CATSPERB: variants seen among roughly 807,000 people sequenced by gnomAD.
The protein encoded by CATSPERB is catsper channel auxiliary subunit beta.
Under a neutral mutation model 128.3 loss-of-function variants are expected in CATSPERB, and 93 were observed. That is an observed-to-expected ratio of 0.72 (90% CI 0.61 to 0.86). The LOEUF (loss-of-function observed/expected upper bound fraction) is 0.86. CATSPERB is among the 40% of genes least tolerant of loss of function. CATSPERB has a pLI of 0.00. For missense variants in CATSPERB, 1,153 were observed against 1,329.5 expected, an observed-to-expected ratio of 0.87 and a Z score of 2.06; for synonymous variants, 381 against 448.8, an observed-to-expected ratio of 0.85 and a Z score of 1.91.
chr14:91,606,782 G>C (rs1465014235), intron 22 of CATSPERB, among the ~76,000 whole-genome samples: 3 of 152,094 alleles, frequency 2.0e-5, no homozygotes, highest in Admixed American at 6.6e-5. Context: ...GATAACACTG[G>C]AAATGGTGAA....
chr14:91,717,294 T>C (rs1428296553), intron 5 of CATSPERB, among the ~76,000 whole-genome samples: 4 of 152,210 alleles, frequency 2.6e-5, no homozygotes, highest in African/African-American at 9.6e-5. Flanking sequence ...GTGCTCACGG[T>C]TGTATACATT....
At chr14:91,672,319 T>C (rs1400184544) in intron 13 of CATSPERB, among the ~76,000 whole-genome samples, 2 of 152,214 alleles carry the variant, frequency 1.3e-5, no homozygotes, top group Non-Finnish European at 2.9e-5. Flanking sequence ...TGGATTTTGC[T>C]CTGTCACCTC....
chr14:91,594,269 T>C (rs937923479), intron 22 of CATSPERB, among the ~76,000 whole-genome samples: 1 of 151,858 alleles, frequency 6.6e-6, no homozygotes, highest in Non-Finnish European at 1.5e-5. Flanking sequence ...AAGGTGGGAA[T>C]TGAACAATGA....
Position 91,580,841 on chromosome 14 carries a change from T to A in CATSPERB, c.*48A>T. On this transcript the variant is annotated 3_prime_UTR_variant, in exon 27 of 27. Transcript: ENST00000256343. ...ACATTTAAATATATTGTTCTAGGAA[T>A]TGGCTGATAAAACTAGAAAATAAAG... 1 of 1,400,050 alleles carries A rather than the reference T, an allele frequency of 7.1e-7. No homozygotes were observed. Among genetic ancestry groups the A allele is most frequent in the Middle Eastern group, 2.1e-4 (1 of 4,652 alleles). The allele number at this position is 1,400,050 out of a possible 1,614,324, so 86.7% of individuals were successfully genotyped here.
At chr14:91,722,103 TACA>T (rs1896044432) in intron 4 of CATSPERB, among the ~76,000 whole-genome samples, 1 of 152,182 alleles carries the variant, frequency 6.6e-6, no homozygotes, top group Admixed American at 6.5e-5. Flanking sequence ...TGTAAAATAG[TACA>T]ACCACTTTAG....
chr14:91,661,343 A>T (rs1264904399), intron 14 of CATSPERB, among the ~76,000 whole-genome samples: 1 of 152,008 alleles, frequency 6.6e-6, no homozygotes, highest in African/African-American at 2.4e-5. Context: ...TTATGGATAT[A>T]CCATACTTGA....
At chr14:91,628,090 C>T (rs1454221967) in intron 17 of CATSPERB, among the ~76,000 whole-genome samples, 1 of 152,164 alleles carries the variant, frequency 6.6e-6, no homozygotes, top group Non-Finnish European at 1.5e-5. Context: ...CTTGTTTTTC[C>T]TTAATTTCCT....
At chr14:91,676,742 C>A (rs1015109786) in intron 11 of CATSPERB, among the ~76,000 whole-genome samples, 2 of 151,778 alleles carry the variant, frequency 1.3e-5, no homozygotes, top group East Asian at 1.9e-4. Flanking sequence ...GGTATGGAAC[C>A]AAAAAAGAGC....
At chr14:91,650,689 T>TATCCATCC (rs56395311) in intron 15 of CATSPERB, among the ~76,000 whole-genome samples, 97,675 of 150,802 alleles carry the variant, frequency 0.65, 31,978 homozygotes, top group East Asian at 0.75. Context: ...TTTTTGTATT[T>TATCCATCC]ATCCATCCAT....
chr14:91,614,263 A>G (rs1023611617), intron 20 of CATSPERB, among the ~76,000 whole-genome samples: 1 of 149,442 alleles, frequency 6.7e-6, no homozygotes, highest in African/African-American at 2.5e-5. Flanking sequence ...ACCAGAAGTG[A>G]GAGCCAATCC....
At chr14:91,661,855 A>G (rs889684245) in intron 14 of CATSPERB, among the ~76,000 whole-genome samples, 4 of 152,034 alleles carry the variant, frequency 2.6e-5, no homozygotes, top group Non-Finnish European at 5.9e-5. Flanking sequence ...AGACTACCCA[A>G]GTGCTCTTCA....
At chr14:91,719,174 A>T (rs1895989972) in intron 5 of CATSPERB, among the ~76,000 whole-genome samples, 1 of 152,226 alleles carries the variant, frequency 6.6e-6, no homozygotes, top group South Asian at 2.1e-4. Flanking sequence ...AATAAAAGAT[A>T]ATATAAATGT....
rs1895993279 is a variant in CATSPERB at position 91,719,409 on chromosome 14, C to T, written c.370+9G>A. 1.9e-6 allele frequency: 3 copies of T among 1,580,452 alleles called. No homozygotes were observed. The highest frequency in any genetic ancestry group is 1.8e-5 in the Admixed American group (1 of 56,128). On this transcript the variant is annotated intron_variant, in intron 5 of 26. Transcript: ENST00000256343. Reference sequence around the variant, plus strand: ...CAGGGGTAAAAGAATTAATTCAGATCACTCTTACCTGTGCTTTGTGTGATG... The same window carrying T: ...CAGGGGTAAAAGAATTAATTCAGATTACTCTTACCTGTGCTTTGTGTGATG...
intron 10 of CATSPERB, among the ~76,000 whole-genome samples, chr14:91,685,098 T>C (rs1345642416): frequency 6.6e-6 from 1 of 152,078 alleles, no homozygotes; most frequent in Non-Finnish European, 1.5e-5. Context: ...GGGTAATTTT[T>C]TAATTTTTTG....
Position 91,610,480 on chromosome 14 carries a change from C to A in CATSPERB, c.2598G>T (p.Pro866=), listed in dbSNP as rs200068153. ...AATATACTTAGATTTTTTTTTTTAC[C>A]GGCAAAGTTTTGATGAGGTTAAAAC... is the stretch of plus-strand genomic sequence containing the variant. ...SQGFNLIKTL[P]INYRPPSNMG... is the part of the protein sequence containing the mutation. Residue 866 remains proline, a splice_region_variant and synonymous_variant, in exon 21 of 27, where the codon CCG becomes CCT. Transcript: ENST00000256343. The A allele has an allele frequency of 1.9e-6, 3 of 1,595,902 alleles. No individual in the cohort carries two copies. Among genetic ancestry groups the A allele is most frequent in the South Asian group, 1.1e-5 (1 of 87,436 alleles).
At chr14:91,590,368 T>C (rs1893376177) in intron 23 of CATSPERB, among the ~76,000 whole-genome samples, 1 of 151,922 alleles carries the variant, frequency 6.6e-6, no homozygotes. Flanking sequence ...CCATCTCTAC[T>C]GAAAATACAA....
At chr14:91,707,023 G>A (rs1425515054) in intron 6 of CATSPERB, among the ~76,000 whole-genome samples, 1 of 152,074 alleles carries the variant, frequency 6.6e-6, no homozygotes, top group Non-Finnish European at 1.5e-5. Context: ...CAGCCAAAAT[G>A]GTCTTTTCAT....
rs923600809 is a variant in CATSPERB, at chr14:91,657,853, G to A, written c.1432+1984C>T. On this transcript the variant is annotated intron_variant, in intron 15 of 26. Transcript: ENST00000256343. ...CATCCCAGTTAAAATAGCTTTTATCGAAAAGACAGGCAATAATGAATGCTG... is the reference window on the plus strand; with the variant it reads ...CATCCCAGTTAAAATAGCTTTTATCAAAAAGACAGGCAATAATGAATGCTG... Among the ~76,000 whole-genome samples the A allele has an allele frequency of 3.9e-5, 6 of 152,120 alleles. No individual in the cohort carries two copies. The East Asian group carries it at 1.2e-3, about 29-fold the overall frequency.
chr14:91,656,123 A>G (rs1894783302), intron 15 of CATSPERB, among the ~76,000 whole-genome samples: 1 of 152,148 alleles, frequency 6.6e-6, no homozygotes, highest in African/African-American at 2.4e-5. Context: ...ATTTTCTGAG[A>G]TAAAAAAAGA....
Sources: allele counts gnomAD v4.1 joint callset (sites outside exome capture counted in the v4.1 genomes callset), GRCh38; gene constraint gnomAD v4.1.1; transcripts MANE v1.5; gene names NCBI Gene and HGNC (gene_info 2026-07-23, HGNC 2026-07-21).